GXYLT2: variants seen among roughly 807,000 people sequenced by gnomAD.
GXYLT2 encodes glucoside xylosyltransferase 2.
A neutral mutation model predicts 45.8 loss-of-function variants in GXYLT2; 53 were observed. The observed-to-expected ratio is 1.16, with a 90% CI of 0.93 to 1.46. The LOEUF (loss-of-function observed/expected upper bound fraction) is 1.46. Among genes scored for constraint, GXYLT2 ranks in the 40% most tolerant of loss-of-function variants. The pLI is 0.00. For missense variants in GXYLT2, 551 were observed against 544.4 expected (o/e 1.01, Z -0.12); for synonymous variants, 219 against 214.2 (o/e 1.02, Z -0.19).
chr3:72,953,594 G>A (rs1205591625), intron 3 of GXYLT2, among the ~76,000 whole-genome samples: 1 of 152,096 alleles, frequency 6.6e-6, no homozygotes, highest in Admixed American at 6.6e-5. Flanking sequence ...CTGTTGTTTT[G>A]AAGAAACTGT....
intron 1 of GXYLT2, among the ~76,000 whole-genome samples, chr3:72,906,988 C>A (rs1709523470): frequency 6.6e-6 from 1 of 152,110 alleles, no homozygotes. Context: ...CTGGCACCAA[C>A]CAGGAGAAAG....
intron 3 of GXYLT2, chr3:72,929,257 G>A: frequency 2.7e-6 from 4 of 1,485,332 alleles, no homozygotes; most frequent in Non-Finnish European, 3.7e-6. Context: ...AACTGATGAC[G>A]TTGCAGAACC....
chr3:72,891,268 T>G (rs1207428880), intron 1 of GXYLT2, among the ~76,000 whole-genome samples: 1 of 151,662 alleles, frequency 6.6e-6, no homozygotes, highest in Non-Finnish European at 1.5e-5. Flanking sequence ...GAGCCTGGAG[T>G]TGGATGTGAC....
intron 5 of GXYLT2, among the ~76,000 whole-genome samples, chr3:72,965,462 G>A (rs770254286): frequency 4.6e-5 from 7 of 152,124 alleles, no homozygotes; most frequent in Non-Finnish European, 1.0e-4. Context: ...CTCTCACAGG[G>A]TCTTTCTCAT....
Position 72,901,554 on chromosome 3 carries a change from C to CTTT in GXYLT2, c.276-6791_276-6789dup, listed in dbSNP as rs71124002. 5.2e-3 allele frequency among the ~76,000 whole-genome samples: 400 copies of CTTT among 77,218 alleles called. 9 individuals are homozygous for CTTT. The highest frequency in any genetic ancestry group is 0.015 in the Middle Eastern group (1 of 66). The allele number at this position is 77,218 out of a possible 152,430, so 50.7% of individuals were successfully genotyped here. A position where few individuals can be genotyped will look rare whatever the true frequency, so the allele number is the denominator to read the frequency against. ...ACCATAGAATTTCAGAACATTTTCGCTTTTTTTTTTTTTTTTTTTTTTTTG... is the reference window on the plus strand; with the variant it reads ...ACCATAGAATTTCAGAACATTTTCGCTTTTTTTTTTTTTTTTTTTTTTTTTTTG... On this transcript the variant is annotated intron_variant, in intron 1 of 6. Coordinates refer to ENST00000389617, the MANE Select transcript of GXYLT2 (RefSeq NM_001080393.2).
chr3:72,966,132 C>G (rs997220847), intron 5 of GXYLT2, among the ~76,000 whole-genome samples: 32 of 151,972 alleles, frequency 2.1e-4, no homozygotes, highest in Admixed American at 5.9e-4. Flanking sequence ...GCTCCTGCCT[C>G]CATGCCTGGC....
chr3:72,951,017 T>C (rs1427757781), intron 3 of GXYLT2, among the ~76,000 whole-genome samples: 1 of 152,110 alleles, frequency 6.6e-6, no homozygotes, highest in Non-Finnish European at 1.5e-5. Flanking sequence ...AACAAAGGCC[T>C]CATTGCTAGT....
intron 3 of GXYLT2, among the ~76,000 whole-genome samples, chr3:72,936,502 T>C (rs1166592290): frequency 1.3e-5 from 2 of 151,564 alleles, no homozygotes; most frequent in African/African-American, 4.9e-5. Flanking sequence ...TAGCCAAGTG[T>C]GGTGTAGTAT....
intron 6 of GXYLT2, among the ~76,000 whole-genome samples, chr3:72,971,401 T>C (rs1265849058): frequency 6.6e-6 from 1 of 152,196 alleles, no homozygotes; most frequent in Admixed American, 6.5e-5. Flanking sequence ...CCCCATTCTC[T>C]ACAATGCTGT....
At chr3:72,959,844 A>G (rs1710735769) in intron 5 of GXYLT2, among the ~76,000 whole-genome samples, 1 of 152,148 alleles carries the variant, frequency 6.6e-6, no homozygotes, top group Non-Finnish European at 1.5e-5. Flanking sequence ...CATGTTGGCC[A>G]GGCTGGTCTC....
intron 3 of GXYLT2, 128 bp from the exon 4 acceptor site, chr3:72,954,970 A>G: frequency 2.2e-6 from 2 of 898,088 alleles, no homozygotes; most frequent in South Asian, 1.8e-5. Flanking sequence ...ACCTTTCCAG[A>G]ATTTAATACG....
intron 6 of GXYLT2, among the ~76,000 whole-genome samples, chr3:72,973,900 T>C (rs1004860782): frequency 6.6e-6 from 1 of 152,216 alleles, no homozygotes; most frequent in Middle Eastern, 3.2e-3. Flanking sequence ...GAGAACCTTC[T>C]TGCATTACAT....
At chr3:72,958,264 C>A (rs1404335224) in intron 5 of GXYLT2, among the ~76,000 whole-genome samples, 2 of 130,220 alleles carry the variant, frequency 1.5e-5, no homozygotes, top group Non-Finnish European at 3.2e-5. Context: ...CAGAGCGAGA[C>A]TCTGTCTCAA....
At chr3:72,936,812 A>T (rs976518800) in intron 3 of GXYLT2, among the ~76,000 whole-genome samples, 2 of 152,236 alleles carry the variant, frequency 1.3e-5, no homozygotes, top group Admixed American at 1.3e-4. Context: ...CTGTGTATTG[A>T]TCTAAATGAT....
chr3:72,938,666 G>T (rs760123592), intron 3 of GXYLT2, among the ~76,000 whole-genome samples: 3 of 152,164 alleles, frequency 2.0e-5, no homozygotes, highest in Non-Finnish European at 4.4e-5. Context: ...CAAGCCAAAA[G>T]CAAGCATGGA....
intron 3 of GXYLT2, among the ~76,000 whole-genome samples, chr3:72,922,537 G>A (rs149765016): frequency 1.3e-3 from 195 of 152,312 alleles, no homozygotes; most frequent in African/African-American, 4.4e-3. Flanking sequence ...GGGACTGTGA[G>A]CATTCAAATC....
At chr3:72,974,303 G>A (rs927284969) in intron 6 of GXYLT2, among the ~76,000 whole-genome samples, 2 of 152,118 alleles carry the variant, frequency 1.3e-5, no homozygotes, top group Non-Finnish European at 2.9e-5. Flanking sequence ...AATATTAAGA[G>A]GGAAATAAAC....
intron 1 of GXYLT2, among the ~76,000 whole-genome samples, chr3:72,890,823 A>G (rs1709168629): frequency 6.6e-6 from 1 of 152,172 alleles, no homozygotes; most frequent in Admixed American, 6.5e-5. Flanking sequence ...TTTTGAACAT[A>G]TCTCTTAGAT....
At chr3:72,911,993 G>GTGTATATATA (rs1381632448) in intron 2 of GXYLT2, among the ~76,000 whole-genome samples, 288 of 122,708 alleles carry the variant, frequency 2.3e-3, no homozygotes, top group African/African-American at 0.011. Context: ...GTGTGTGTGT[G>GTGTATATATA]TATATATATA....
Sources: allele counts gnomAD v4.1 joint callset (sites outside exome capture counted in the v4.1 genomes callset), GRCh38; gene constraint gnomAD v4.1.1; transcripts MANE v1.5; gene names NCBI Gene and HGNC (gene_info 2026-07-23, HGNC 2026-07-21).